The following CCSER1 variants were observed in gnomAD, a reference collection of about 807,000 sequenced individuals.
The protein encoded by CCSER1 is coiled-coil serine rich protein 1.
Under a neutral mutation model 82.0 loss-of-function variants are expected in CCSER1, and 41 were observed. That is an observed-to-expected ratio of 0.50 (90% CI 0.39 to 0.65). CCSER1 has a LOEUF of 0.65. Ranked by LOEUF, CCSER1 falls within the 30% of genes least tolerant of loss-of-function variation. The pLI, the probability that CCSER1 is intolerant of heterozygous loss-of-function variation, is 0.00. For missense variants in CCSER1, 1,119 were observed against 1,064.2 expected, an observed-to-expected ratio of 1.05 and a Z score of -0.72; for synonymous variants, 414 against 383.9, an observed-to-expected ratio of 1.08 and a Z score of -0.92.
chr4:91,004,894 C>A (rs941583526), intron 9 of CCSER1, among the ~76,000 whole-genome samples: 1 of 152,106 alleles, frequency 6.6e-6, no homozygotes, highest in Admixed American at 6.5e-5. Flanking sequence ...TGATGAAATA[C>A]AGTCATAGAG....
intron 10 of CCSER1, among the ~76,000 whole-genome samples, chr4:91,101,769 A>G (rs1410859262): frequency 6.6e-6 from 1 of 152,236 alleles, no homozygotes; most frequent in African/African-American, 2.4e-5. Context: ...AAAGGACATC[A>G]AGAACTTCTG....
intron 10 of CCSER1, among the ~76,000 whole-genome samples, chr4:91,371,600 C>A (rs932068282): frequency 2.2e-4 from 33 of 152,018 alleles, no homozygotes; most frequent in African/African-American, 7.5e-4. Flanking sequence ...AGATTGCTTC[C>A]AAATCTTAAC....
intron 3 of CCSER1, among the ~76,000 whole-genome samples, chr4:90,331,088 A>T (rs1273270305): frequency 6.6e-6 from 1 of 152,058 alleles, no homozygotes; most frequent in Non-Finnish European, 1.5e-5. Flanking sequence ...ATATTATTTA[A>T]AAAATAAGAA....
chr4:91,527,919 GTT>G (rs1401044872), intron 10 of CCSER1, among the ~76,000 whole-genome samples: 1 of 151,924 alleles, frequency 6.6e-6, no homozygotes, highest in African/African-American at 2.4e-5. Flanking sequence ...TATGTATTTT[GTT>G]TTGTTTTGTT....
At chr4:90,454,793 G>A (rs561976267) in intron 4 of CCSER1, among the ~76,000 whole-genome samples, 153 of 152,212 alleles carry the variant, frequency 1.0e-3, no homozygotes, top group Non-Finnish European at 1.8e-3. Context: ...TTAAATTCTG[G>A]AAAGCCTCTA....
At position 90,414,297 on chromosome 4, in the gene CCSER1, G is replaced by T. The variant is rs1755462958; in HGVS notation, c.1603+14168G>T. Among the ~76,000 whole-genome samples the T allele has an allele frequency of 2.0e-5, 3 of 151,568 alleles. No homozygotes were observed. In the South Asian group the frequency reaches 6.2e-4, roughly 32 times the overall value. ...AAGGTTTTCAATTTAAAAGGTTTTA[G>T]ATTTAAAGGATTTTTTTATTATATT... On this transcript the variant is annotated intron_variant, in intron 4 of 10. Coordinates refer to ENST00000509176, the MANE Select transcript of CCSER1 (RefSeq NM_001145065.2).
chr4:90,752,748 A>T (rs779520680), intron 7 of CCSER1, among the ~76,000 whole-genome samples: 2 of 151,986 alleles, frequency 1.3e-5, no homozygotes, highest in Non-Finnish European at 2.9e-5. Flanking sequence ...TCAATTATTT[A>T]TCTCCATCTC....
At position 90,609,466 on chromosome 4, in the gene CCSER1, T is replaced by C. The variant is rs555880051; in HGVS notation, c.1725-18559T>C. On this transcript the variant is annotated intron_variant, in intron 5 of 10. Transcript: ENST00000509176. ...TCAATAATACACAAAAAAGTCTATA[T>C]AGTTTTCCTTTTGATAGAACAAAAC... Among the ~76,000 whole-genome samples the C allele has an allele frequency of 2.3e-3, 293 of 126,236 alleles. 4 individuals are homozygous for C. The highest frequency in any genetic ancestry group is 1.2e-3 in the East Asian group (5 of 4,236). The allele number at this position is 126,236 out of a possible 152,430, so 82.8% of individuals were successfully genotyped here. A position where few individuals can be genotyped will look rare whatever the true frequency, so the allele number is the denominator to read the frequency against.
chr4:91,029,594 G>T (rs1052489441), intron 9 of CCSER1, among the ~76,000 whole-genome samples: 3 of 151,970 alleles, frequency 2.0e-5, no homozygotes, highest in Non-Finnish European at 4.4e-5. Context: ...GGGATTACAT[G>T]ACCTGTTTTT....
At chr4:90,199,179 T>C (rs1737181229) in intron 1 of CCSER1, among the ~76,000 whole-genome samples, 1 of 152,190 alleles carries the variant, frequency 6.6e-6, no homozygotes, top group Non-Finnish European at 1.5e-5. Context: ...GGAATCTTCT[T>C]CTGAGATTTC....
At chr4:90,893,788 T>TG (rs1178923039) in intron 8 of CCSER1, among the ~76,000 whole-genome samples, 1 of 128,686 alleles carries the variant, frequency 7.8e-6, no homozygotes, top group African/African-American at 2.9e-5. Flanking sequence ...TGTGTGTGTG[T>TG]GTGTGGGGGG....
At chr4:90,766,686 T>C (rs1751290155) in intron 7 of CCSER1, among the ~76,000 whole-genome samples, 1 of 152,134 alleles carries the variant, frequency 6.6e-6, no homozygotes, top group Admixed American at 6.6e-5. Context: ...CATTATGTGA[T>C]GCCATCTGGT....
intron 10 of CCSER1, among the ~76,000 whole-genome samples, chr4:91,277,670 T>C (rs1362289252): frequency 6.6e-6 from 1 of 151,062 alleles, no homozygotes; most frequent in Non-Finnish European, 1.5e-5. Flanking sequence ...ATTTTTTGAG[T>C]CTCAATTTTG....
At chr4:90,282,104 G>C (rs530363010) in intron 1 of CCSER1, among the ~76,000 whole-genome samples, 2 of 152,090 alleles carry the variant, frequency 1.3e-5, no homozygotes, top group South Asian at 4.1e-4. Context: ...GGAGAACTAA[G>C]AACCATATGG....
chr4:90,318,730 C>T (rs1736597831), intron 3 of CCSER1, among the ~76,000 whole-genome samples: 1 of 152,114 alleles, frequency 6.6e-6, no homozygotes, highest in Admixed American at 6.5e-5. Context: ...CTTCTGGGGC[C>T]TGCTGTTTTC....
At chr4:90,778,527 T>TAA (rs35328489) in intron 7 of CCSER1, among the ~76,000 whole-genome samples, 12,850 of 143,304 alleles carry the variant, frequency 0.09, 1,328 homozygotes, top group African/African-American at 0.25. Context: ...ATGCATTTCT[T>TAA]AAAAAAAAAA....
intron 10 of CCSER1, among the ~76,000 whole-genome samples, chr4:91,510,312 CAT>C (rs1442201980): frequency 6.6e-6 from 1 of 152,174 alleles, no homozygotes; most frequent in African/African-American, 2.4e-5. Context: ...TTGTCATAAA[CAT>C]ATGAGTGTAG....
At chr4:91,422,313 A>C (rs2149384292) in intron 10 of CCSER1, among the ~76,000 whole-genome samples, 1 of 151,946 alleles carries the variant, frequency 6.6e-6, no homozygotes, top group East Asian at 1.9e-4. Flanking sequence ...TTACATACTC[A>C]CATTCACCTT....
chr4:91,406,618 T>G (rs759923707), intron 10 of CCSER1, among the ~76,000 whole-genome samples: 13 of 152,210 alleles, frequency 8.5e-5, no homozygotes, highest in Non-Finnish European at 1.9e-4. Context: ...TGTAAGAATG[T>G]GTCATTTGTT....
Sources: gnomAD v4.1 joint callset for allele counts (sites outside exome capture counted in the v4.1 genomes callset) on GRCh38, gnomAD v4.1.1 for gene constraint, MANE v1.5 for transcripts, NCBI Gene and HGNC (gene_info 2026-07-23, HGNC 2026-07-21) for gene names.